Variants in ZNF43 observed in about 807,000 individuals in gnomAD.
ZNF43 encodes the protein zinc finger protein 43.
In ZNF43, 44 loss-of-function variants were observed where a neutral mutation model predicts 68.4. The ratio of observed to expected loss-of-function variants is 0.64; its 90% CI spans 0.51 to 0.83. ZNF43 has a LOEUF of 0.83. ZNF43 is among the 40% of genes least tolerant of loss of function. ZNF43 has a pLI of 0.00. For synonymous variants in ZNF43, 308 were observed against 307.8 expected, an observed-to-expected ratio of 1.00 and a Z score of -0.01; for missense variants, 896 against 933.2, an observed-to-expected ratio of 0.96 and a Z score of 0.52.
At chr19:21,817,789 G>T in intron 3 of ZNF43, 99 bp downstream of exon 3, 3 of 1,265,190 alleles carry the variant, frequency 2.4e-6, no homozygotes, top group South Asian at 1.3e-5. Context: ...TCTTTCCTTT[G>T]GAACACAGCT....
intron 2 of ZNF43, 95 bp from the exon 3 acceptor site, chr19:21,818,081 C>A (rs2037617206): frequency 2.3e-6 from 3 of 1,291,922 alleles, no homozygotes; most frequent in Admixed American, 2.3e-5. Context: ...GATAGAATAT[C>A]CTAATCATTA....
chr19:21,850,623 C>G (rs928669648), intron 1 of ZNF43, among the ~76,000 whole-genome samples: 1 of 152,110 alleles, frequency 6.6e-6, no homozygotes, highest in Admixed American at 6.6e-5. Flanking sequence ...AGGTGTTAGA[C>G]CTAGTAACAT....
At position 21,807,625 on chromosome 19, in the gene ZNF43, A is replaced by C; in HGVS notation, c.2412T>G (p.Thr804=). 1 of 1,548,036 alleles carries C rather than the reference A, an allele frequency of 6.5e-7. No individual in the cohort carries two copies. Among genetic ancestry groups the C allele is most frequent in the Non-Finnish European group, 8.7e-7 (1 of 1,150,832 alleles). ...GTATAATTTATTTTATGTTTGAAAAAGTTTGAGGTGTTGTCAAAATCACTG... is the reference window on the plus strand; with the variant it reads ...GTATAATTTATTTTATGTTTGAAAACGTTTGAGGTGTTGTCAAAATCACTG... ...DVTVILTTPQ[T]FSNIK Residue 804 remains threonine, a synonymous_variant, in exon 4 of 4, where the codon ACT becomes ACG. Transcript: ENST00000354959.
At chr19:21,835,915 G>A in intron 1 of ZNF43, 121 bp downstream of exon 1, 1 of 1,532,992 alleles carries the variant, frequency 6.5e-7, no homozygotes. Context: ...ATGGCTGAAG[G>A]GGATTGAGGC....
At chr19:21,822,346 C>T (rs1344988935) in intron 1 of ZNF43, among the ~76,000 whole-genome samples, 1 of 116,734 alleles carries the variant, frequency 8.6e-6, no homozygotes, top group African/African-American at 3.2e-5. Flanking sequence ...TTGATTCTAG[C>T]CTCATTTTGG....
At chr19:21,831,341 C>A (rs1210140781) in intron 1 of ZNF43, among the ~76,000 whole-genome samples, 1 of 152,056 alleles carries the variant, frequency 6.6e-6, no homozygotes, top group Non-Finnish European at 1.5e-5. Context: ...ATAGCCTCAG[C>A]AGAAAATTTT....
intron 1 of ZNF43, among the ~76,000 whole-genome samples, chr19:21,833,399 C>T (rs989979198): frequency 1.3e-5 from 2 of 152,128 alleles, no homozygotes; most frequent in Non-Finnish European, 2.9e-5. Flanking sequence ...CCCGAAGTAG[C>T]TGGGATTACA....
chr19:21,819,059 G>C (rs1349693638), intron 2 of ZNF43, 36 bp downstream of exon 2: 1 of 1,582,588 alleles, frequency 6.3e-7, no homozygotes, highest in South Asian at 1.2e-5. Flanking sequence ...AAATCTTTAG[G>C]GTATATTAGG....
At chr19:21,847,742 T>C (rs373166842) in intron 1 of ZNF43, among the ~76,000 whole-genome samples, 49 of 152,084 alleles carry the variant, frequency 3.2e-4, no homozygotes, top group African/African-American at 1.0e-3. Flanking sequence ...CGGGCATCAT[T>C]GAGTTACATC....
intron 1 of ZNF43, among the ~76,000 whole-genome samples, chr19:21,848,495 A>G (rs1968117164): frequency 6.6e-6 from 1 of 152,168 alleles, no homozygotes; most frequent in African/African-American, 2.4e-5. Flanking sequence ...ATGGCACAAC[A>G]TGTAGGGCAC....
chr19:21,851,986 G>A (rs1968409688), exon 1 of ZNF43: 2 of 1,522,720 alleles, frequency 1.3e-6, no homozygotes, highest in Non-Finnish European at 1.8e-6. Flanking sequence ...CGGAGGCTGC[G>A]ACAAAGTCAC....
At chr19:21,832,254 A>G (rs1260193546) in intron 1 of ZNF43, among the ~76,000 whole-genome samples, 1 of 152,144 alleles carries the variant, frequency 6.6e-6, no homozygotes, top group Non-Finnish European at 1.5e-5. Flanking sequence ...TCTGATCTTC[A>G]ACAAAGCTTA....
chr19:21,823,571 C>CT (rs10605024), intron 1 of ZNF43, among the ~76,000 whole-genome samples: 2,617 of 83,400 alleles, frequency 0.031, 8 homozygotes, highest in Non-Finnish European at 0.042. Context: ...AGAATCAGGC[C>CT]TTTTTTTTTT....
At chr19:21,819,403 T>C (rs2037690504) in intron 1 of ZNF43, among the ~76,000 whole-genome samples, 182 bp from the exon 2 acceptor site, 1 of 152,242 alleles carries the variant, frequency 6.6e-6, no homozygotes, top group Admixed American at 6.5e-5. Context: ...ATGTATTTTC[T>C]ACCCCTGAGA....
intron 1 of ZNF43, among the ~76,000 whole-genome samples, chr19:21,828,213 T>A (rs1003131797): frequency 3.3e-5 from 5 of 152,358 alleles, no homozygotes; most frequent in African/African-American, 1.2e-4. Context: ...GTATGTAGTA[T>A]TCTAAAAAAT....
At chr19:21,817,854 T>C (rs761852731) in intron 3 of ZNF43, 34 bp downstream of exon 3, 2 of 1,587,162 alleles carry the variant, frequency 1.3e-6, no homozygotes, top group Non-Finnish European at 1.7e-6. Context: ...ACTTCTCATC[T>C]GTGTTTGTTG....
chr19:21,840,988 G>A (rs1967491011), upstream of ZNF43: 1 of 152,122 alleles, frequency 6.6e-6, no homozygotes, highest in Admixed American at 6.5e-5. Flanking sequence ...TTTTTACTGT[G>A]GACTCCATTC....
chr19:21,835,018 G>A (rs1354943598), intron 1 of ZNF43, among the ~76,000 whole-genome samples: 9 of 150,198 alleles, frequency 6.0e-5, no homozygotes, highest in African/African-American at 2.0e-4. Context: ...AGGCTGAGGC[G>A]GGTGGATCAT....
Position 21,808,981 on chromosome 19 carries a change from GT to G in ZNF43, c.1055del (p.Asn352ThrfsTer67). 6.2e-7 allele frequency: 1 copy of G among 1,612,976 alleles called. No homozygotes were observed. Among genetic ancestry groups the G allele is most frequent in the Non-Finnish European group, 8.5e-7 (1 of 1,179,736 alleles). ...YTCEECGKAF[N>X]QFSNLTTHKR... ...TATGTGTAGTAAGGTTTGAGAACTG[GT>G]TAAAGGCTTTGCCACATTCTTCACA... On this transcript the variant is annotated frameshift_variant, in exon 4 of 4. Coordinates refer to ENST00000354959, the MANE Select transcript of ZNF43 (RefSeq NM_003423.4). LOFTEE classifies it high-confidence loss of function.
Sources: allele counts gnomAD v4.1 joint callset (sites outside exome capture counted in the v4.1 genomes callset), GRCh38; gene constraint gnomAD v4.1.1; transcripts MANE v1.5; gene names NCBI Gene and HGNC (gene_info 2026-07-23, HGNC 2026-07-21).